DPH6: variants seen among roughly 807,000 people sequenced by gnomAD.
The protein encoded by DPH6 is diphthine--ammonia ligase.
DPH6 carries 33 observed loss-of-function variants against 38.2 expected under a neutral mutation model. The observed-to-expected ratio is 0.86, with a 90% CI of 0.65 to 1.15. The LOEUF is 1.15. DPH6 is among the 50% of genes most tolerant of loss of function. The pLI, the probability that DPH6 is intolerant of heterozygous loss-of-function variation, is 0.00. For synonymous variants in DPH6, 108 were observed against 103.0 expected (o/e 1.05, Z -0.30); for missense variants, 325 against 320.0 (o/e 1.02, Z -0.12).
chr15:35,532,343 A>G (rs2055100864), intron 3 of DPH6, among the ~76,000 whole-genome samples: 1 of 152,182 alleles, frequency 6.6e-6, no homozygotes, highest in Non-Finnish European at 1.5e-5. Flanking sequence ...GGCAATACTG[A>G]AGGCAAGTTG....
chr15:35,237,989 G>C, intron 3 of DPH6: 1 of 1,474,678 alleles, frequency 6.8e-7, no homozygotes, highest in Non-Finnish European at 9.5e-7. Flanking sequence ...GGAAGATGAA[G>C]AAGAGCTCCG....
At chr15:35,472,078 A>C (rs2054205604) in intron 3 of DPH6, among the ~76,000 whole-genome samples, 1 of 152,224 alleles carries the variant, frequency 6.6e-6, no homozygotes. Context: ...CAACATAGCG[A>C]GTCCTTATCT....
At chr15:35,434,067 A>C (rs1427517822) in intron 5 of DPH6, among the ~76,000 whole-genome samples, 1 of 152,174 alleles carries the variant, frequency 6.6e-6, no homozygotes, top group Non-Finnish European at 1.5e-5. Flanking sequence ...GTTTATATCC[A>C]TCTCTACTAT....
chr15:35,226,976 C>T (rs1373044115), intron 3 of DPH6, among the ~76,000 whole-genome samples: 1 of 151,986 alleles, frequency 6.6e-6, no homozygotes, highest in Non-Finnish European at 1.5e-5. Flanking sequence ...TACTGGGAGA[C>T]TTTTCATTAT....
At chr15:35,492,123 G>A (rs1246743002) in intron 3 of DPH6, among the ~76,000 whole-genome samples, 1 of 152,068 alleles carries the variant, frequency 6.6e-6, no homozygotes, top group Non-Finnish European at 1.5e-5. Context: ...TGAGAATTAG[G>A]AGTGCTGAGG....
intron 2 of DPH6, among the ~76,000 whole-genome samples, chr15:35,541,020 G>A (rs2141566208): frequency 6.6e-6 from 1 of 152,160 alleles, no homozygotes; most frequent in Non-Finnish European, 1.5e-5. Context: ...TAATACAGAA[G>A]TTAGAGTGCA....
intron 3 of DPH6, among the ~76,000 whole-genome samples, chr15:35,287,568 T>C (rs1416845037): frequency 6.6e-6 from 1 of 152,202 alleles, no homozygotes; most frequent in Admixed American, 6.5e-5. Context: ...CAGGGTAATT[T>C]TAGTTTTCAT....
At chr15:35,249,741 T>G (rs924784747) in intron 3 of DPH6, among the ~76,000 whole-genome samples, 1 of 152,176 alleles carries the variant, frequency 6.6e-6, no homozygotes. Context: ...TAATGTCTTT[T>G]TTGTTATTAC....
intron 3 of DPH6, among the ~76,000 whole-genome samples, chr15:35,238,965 CTT>C (rs1337898143): frequency 6.8e-6 from 1 of 147,090 alleles, no homozygotes; most frequent in African/African-American, 2.5e-5. Flanking sequence ...TGCTGACTCT[CTT>C]TTCGGACTCA....
Position 35,306,161 on chromosome 15 carries a change from A to G in DPH6, n.200+67360T>C, listed in dbSNP as rs140416079. On this transcript the variant is annotated intron_variant and non_coding_transcript_variant, in intron 3 of 3. Transcript: ENST00000560386. ...CAGTAAATCTACAGCTCATTCTATAAGAATGCTAATTAGATCACTTTTACT... is the reference window on the plus strand; with the variant it reads ...CAGTAAATCTACAGCTCATTCTATAGGAATGCTAATTAGATCACTTTTACT... Among the ~76,000 whole-genome samples, 47 of 152,326 alleles carry G rather than the reference A, an allele frequency of 3.1e-4. 1 individual carries two copies. Among genetic ancestry groups the G allele is most frequent in the African/African-American group, 9.9e-4 (41 of 41,580 alleles).
At chr15:35,176,524 T>A in the DPH6 span, among the ~76,000 whole-genome samples, 1 of 151,368 alleles carries the variant, frequency 6.6e-6, no homozygotes, top group Non-Finnish European at 1.5e-5. Context: ...CAGGCTGGAG[T>A]GCAATGGCGT....
chr15:35,375,313 A>G (rs574060612), intron 7 of DPH6, among the ~76,000 whole-genome samples: 175 of 152,208 alleles, frequency 1.1e-3, no homozygotes, highest in Non-Finnish European at 2.2e-3. Flanking sequence ...AACTCTATTA[A>G]ATTCATAATT....
chr15:35,452,537 A>G (rs1175324508), intron 4 of DPH6, among the ~76,000 whole-genome samples: 2 of 152,030 alleles, frequency 1.3e-5, no homozygotes, highest in African/African-American at 4.8e-5. Context: ...TATTAAATGT[A>G]CCATGTTTGG....
At chr15:35,380,303 CT>C (rs1036158728) in intron 7 of DPH6, among the ~76,000 whole-genome samples, 3 of 152,196 alleles carry the variant, frequency 2.0e-5, no homozygotes, top group Non-Finnish European at 4.4e-5. Context: ...GAGTAATTCC[CT>C]TCATGCCACT....
intron 6 of DPH6, among the ~76,000 whole-genome samples, chr15:35,385,695 AT>A (rs778365918): frequency 2.6e-5 from 4 of 152,050 alleles, no homozygotes; most frequent in Non-Finnish European, 5.9e-5. Flanking sequence ...GCAAACCACC[AT>A]GGCATGTGTA....
chr15:35,450,674 T>C lies in DPH6; in HGVS notation c.505+11A>G, dbSNP rs766872767. 6.2e-7 allele frequency: 1 copy of C among 1,606,758 alleles called. No individual in the cohort carries two copies. The highest frequency in any genetic ancestry group is 1.7e-5 in the Admixed American group (1 of 59,804). ...GCAACAAACAGCTCCCTTGATAGTTTGGCTGCATACCCAAAGCTGCTACTT... is the reference window on the plus strand; with the variant it reads ...GCAACAAACAGCTCCCTTGATAGTTCGGCTGCATACCCAAAGCTGCTACTT... On this transcript the variant is annotated intron_variant, in intron 5 of 8. Transcript: ENST00000256538.
intron 3 of DPH6, among the ~76,000 whole-genome samples, chr15:35,289,623 C>CA (rs2051966579): frequency 6.6e-6 from 1 of 152,148 alleles, no homozygotes; most frequent in Non-Finnish European, 1.5e-5. Context: ...TTTTAAATCT[C>CA]AGAGACATTT....
chr15:35,146,559 T>C, the DPH6 span, among the ~76,000 whole-genome samples: 2 of 152,208 alleles, frequency 1.3e-5, no homozygotes, highest in South Asian at 2.1e-4. Flanking sequence ...TGATCTCATA[T>C]AGTTCTTTTA....
chr15:35,501,043 T>C (rs1278126864), intron 3 of DPH6, among the ~76,000 whole-genome samples: 1 of 152,146 alleles, frequency 6.6e-6, no homozygotes, highest in Non-Finnish European at 1.5e-5. Context: ...GCCCGGCCAA[T>C]AATTAATTTT....
Sources: allele counts gnomAD v4.1 joint callset (sites outside exome capture counted in the v4.1 genomes callset), GRCh38; gene constraint gnomAD v4.1.1; transcripts MANE v1.5; gene names NCBI Gene and HGNC (gene_info 2026-07-23, HGNC 2026-07-21).